The following PTPRM variants were observed in gnomAD, a reference collection of about 807,000 sequenced individuals.
The protein encoded by PTPRM is protein tyrosine phosphatase receptor type M.
Under a neutral mutation model 186.7 loss-of-function variants are expected in PTPRM, and 47 were observed. That is an observed-to-expected ratio of 0.25 (90% CI 0.20 to 0.32). The LOEUF is 0.32. Among genes scored for constraint, PTPRM ranks in the 10% least tolerant of loss-of-function variants. PTPRM has a pLI of 1.00. For synonymous variants in PTPRM, 668 were observed against 674.9 expected, an observed-to-expected ratio of 0.99 and a Z score of 0.16; for missense variants, 1,494 against 1,865.0, an observed-to-expected ratio of 0.80 and a Z score of 3.66.
intron 7 of PTPRM, among the ~76,000 whole-genome samples, chr18:7,990,382 TA>T (rs1439251610): frequency 6.6e-6 from 1 of 152,228 alleles, no homozygotes; most frequent in Non-Finnish European, 1.5e-5. Flanking sequence ...TAGTTTATTT[TA>T]GGTTATATTC....
chr18:7,975,519 T>A (rs560886861), intron 7 of PTPRM, among the ~76,000 whole-genome samples: 103 of 152,320 alleles, frequency 6.8e-4, no homozygotes, highest in African/African-American at 2.2e-3. Context: ...ACATACTGTA[T>A]AATTTCAACT....
chr18:8,095,535 G>A (rs1234989692), intron 11 of PTPRM, among the ~76,000 whole-genome samples: 1 of 152,090 alleles, frequency 6.6e-6, no homozygotes, highest in African/African-American at 2.4e-5. Context: ...CCAATAAGTA[G>A]CCATTCAAGG....
intron 1 of PTPRM, among the ~76,000 whole-genome samples, chr18:7,648,843 GT>G (rs1669382886): frequency 6.6e-6 from 1 of 152,216 alleles, no homozygotes; most frequent in South Asian, 2.1e-4. Flanking sequence ...GATGCAGCCT[GT>G]TATCCAGAAG....
intron 14 of PTPRM, among the ~76,000 whole-genome samples, chr18:8,214,103 C>T (rs1008470962): frequency 5.3e-5 from 8 of 152,004 alleles, no homozygotes; most frequent in Admixed American, 2.0e-4. Flanking sequence ...ACATTGGAGA[C>T]TCGGAGGGGG....
At chr18:8,369,224 G>A (rs919517986) in intron 23 of PTPRM, among the ~76,000 whole-genome samples, 4 of 152,198 alleles carry the variant, frequency 2.6e-5, no homozygotes, top group African/African-American at 7.2e-5. Flanking sequence ...GGAAATGCTG[G>A]TTGGGGCCAT....
chr18:7,594,606 C>T (rs2143667275), intron 1 of PTPRM, among the ~76,000 whole-genome samples: 1 of 152,248 alleles, frequency 6.6e-6, no homozygotes, highest in Non-Finnish European at 1.5e-5. Flanking sequence ...TGCTGTCCTG[C>T]AGAAGGAAAT....
chr18:7,943,972 G>C (rs1447437656), intron 5 of PTPRM, among the ~76,000 whole-genome samples: 1 of 152,166 alleles, frequency 6.6e-6, no homozygotes, highest in Non-Finnish European at 1.5e-5. Context: ...CCACAGTCAT[G>C]ATGAGTTGGG....
chr18:7,683,324 C>T (rs1368363134), intron 1 of PTPRM, among the ~76,000 whole-genome samples: 3 of 151,898 alleles, frequency 2.0e-5, no homozygotes, highest in African/African-American at 7.3e-5. Flanking sequence ...TGTGTGCCAC[C>T]GTGCCTGGCT....
At chr18:8,143,596 T>C in intron 13 of PTPRM, 51 bp from the exon 14 acceptor site, 7 of 1,534,970 alleles carry the variant, frequency 4.6e-6, no homozygotes, top group Non-Finnish European at 5.4e-6. Context: ...TGTGGCATCT[T>C]TATTCTCTCT....
chr18:7,795,172 C>T (rs956571091), intron 2 of PTPRM, among the ~76,000 whole-genome samples: 1 of 152,134 alleles, frequency 6.6e-6, no homozygotes, highest in Non-Finnish European at 1.5e-5. Context: ...CATCGAGTGC[C>T]TCTGATTTTC....
intron 1 of PTPRM, among the ~76,000 whole-genome samples, chr18:7,733,655 C>T (rs1393296921): frequency 6.6e-6 from 1 of 152,148 alleles, no homozygotes; most frequent in Non-Finnish European, 1.5e-5. Flanking sequence ...CTTGAGGAAT[C>T]AGAGCACAGA....
chr18:7,783,590 G>A (rs545893559), intron 2 of PTPRM, among the ~76,000 whole-genome samples: 2 of 152,004 alleles, frequency 1.3e-5, no homozygotes, highest in Non-Finnish European at 2.9e-5. Flanking sequence ...TTTGTTTTTA[G>A]AGATGGGGTC....
At chr18:7,839,859 G>A (rs968056671) in intron 2 of PTPRM, among the ~76,000 whole-genome samples, 5 of 152,020 alleles carry the variant, frequency 3.3e-5, no homozygotes, top group African/African-American at 4.8e-5. Context: ...GTTCAAGTTC[G>A]GACTGTTGGG....
chr18:8,011,105 C>G (rs893367523), intron 7 of PTPRM, among the ~76,000 whole-genome samples: 3 of 152,156 alleles, frequency 2.0e-5, no homozygotes, highest in African/African-American at 7.2e-5. Flanking sequence ...AATGGAGTGT[C>G]TATTCCGGAC....
At chr18:7,649,590 A>G (rs2038646282) in intron 1 of PTPRM, among the ~76,000 whole-genome samples, 1 of 152,138 alleles carries the variant, frequency 6.6e-6, no homozygotes, top group Non-Finnish European at 1.5e-5. Context: ...ACCCTCGTGA[A>G]TGACTTTGAT....
In PTPRM at chr18:7,567,826, G is replaced by T. The variant is rs747386739; in HGVS notation, c.8G>T (p.Gly3Val). 2 of 1,557,424 alleles carry T rather than the reference G, an allele frequency of 1.3e-6. No individual in the cohort carries two copies. Among genetic ancestry groups the T allele is most frequent in the Non-Finnish European group, 1.7e-6 (2 of 1,155,862 alleles). Residue 3 changes from glycine to valine, a missense_variant, in exon 1 of 33, where the codon GGA becomes GTA. By Grantham distance (109) the Gly-to-Val change is moderately radical. Around this residue, in one of 3 missense-constraint regions of PTPRM, gnomAD observed 296 missense variants for 345.5 expected, o/e 0.86. Coordinates refer to ENST00000580170, the MANE Select transcript of PTPRM (RefSeq NM_001105244.2). This position sits in a 1 kb window ranked among gnomAD's most constrained non-coding sequence, Gnocchi z 4.3. MR[G>V]LGTCLATLAG... ...CGGCCCGCACTCAGCACCATGAGGG[G>T]ACTTGGGACTTGCCTGGCGACTTTG...
At chr18:7,773,512 C>G (rs2042424654) in intron 1 of PTPRM, among the ~76,000 whole-genome samples, 1 of 150,790 alleles carries the variant, frequency 6.6e-6, no homozygotes, top group Non-Finnish European at 1.5e-5. Flanking sequence ...TCCTATACAT[C>G]TGGAAACTAT....
chr18:8,379,428 C>T, intron 28 of PTPRM, 88 bp downstream of exon 28: 1 of 1,312,100 alleles, frequency 7.6e-7, no homozygotes, highest in Non-Finnish European at 1.0e-6. Flanking sequence ...TTCTGCTCAC[C>T]AGCCCTTTTG....
intron 14 of PTPRM, among the ~76,000 whole-genome samples, chr18:8,146,220 C>T (rs2092882100): frequency 6.6e-6 from 1 of 152,068 alleles, no homozygotes; most frequent in African/African-American, 2.4e-5. Context: ...GACAGGGTTT[C>T]TCCATGTTGG....
Sources: gnomAD v4.1 joint callset for allele counts (sites outside exome capture counted in the v4.1 genomes callset) on GRCh38, gnomAD v4.1.1 for gene constraint, gnomAD v4.1.1 regional missense constraint, Gnocchi (gnomAD v3.1) non-coding constraint, MANE v1.5 for transcripts, NCBI Gene and HGNC (gene_info 2026-07-23, HGNC 2026-07-21) for gene names.